Variants in ASTN2 observed in about 807,000 individuals in gnomAD.
ASTN2 encodes the protein astrotactin-2.
Under a neutral mutation model 139.8 loss-of-function variants are expected in ASTN2, and 54 were observed. That is an observed-to-expected ratio of 0.39 (90% confidence interval 0.31 to 0.48). The LOEUF is 0.48. Among genes scored for constraint, ASTN2 ranks in the 20% least tolerant of loss-of-function variants. The pLI, the probability that ASTN2 is intolerant of heterozygous loss-of-function variation, is 0.95. For synonymous variants in ASTN2, 756 were observed against 719.5 expected (o/e 1.05, Z -0.81); for missense variants, 1,565 against 1,725.1 (o/e 0.91, Z 1.64).
chr9:116,872,467 G>T (rs938668523), intron 10 of ASTN2, among the ~76,000 whole-genome samples: 1 of 152,148 alleles, frequency 6.6e-6, no homozygotes, highest in Non-Finnish European at 1.5e-5. Flanking sequence ...GACCCCACAT[G>T]GTCCATTTAC....
intron 17 of ASTN2, among the ~76,000 whole-genome samples, chr9:116,633,069 A>G (rs577220368): frequency 2.0e-5 from 3 of 152,350 alleles, no homozygotes; most frequent in East Asian, 3.9e-4. Flanking sequence ...TCATCGGGGC[A>G]ATAGATTGTG....
At chr9:116,990,938 C>T (rs975858911) in intron 7 of ASTN2, among the ~76,000 whole-genome samples, 1 of 152,126 alleles carries the variant, frequency 6.6e-6, no homozygotes. Flanking sequence ...CCTGAACTTA[C>T]CTGAGTTGTG....
At chr9:116,870,127 C>T (rs1271507751) in intron 10 of ASTN2, among the ~76,000 whole-genome samples, 1 of 149,770 alleles carries the variant, frequency 6.7e-6, no homozygotes, top group Non-Finnish European at 1.5e-5. Context: ...GACCCTGTCT[C>T]AAAAAAAATA....
chr9:116,482,694 G>A (rs1445959811), intron 20 of ASTN2, among the ~76,000 whole-genome samples: 5 of 151,888 alleles, frequency 3.3e-5, no homozygotes, highest in Admixed American at 6.6e-5. Context: ...TCCCTTCTCC[G>A]GGGCTTTGCT....
In ASTN2 at chr9:117,256,000, A is replaced by G. The variant is rs80112554; in HGVS notation, c.630+35326T>C. On this transcript the variant is annotated intron_variant, in intron 2 of 22. Coordinates refer to ENST00000313400, the MANE Select transcript of ASTN2 (RefSeq NM_001365068.1). ...CAAGGGAAAAGCAAATTTGGTCTGA[A>G]TGAAAATGATGTCCACAAGAATAAA... 2.9e-3 allele frequency among the ~76,000 whole-genome samples: 440 copies of G among 152,358 alleles called. 5 individuals are homozygous for G. Among genetic ancestry groups the G allele is most frequent in the African/African-American group, 9.9e-3 (411 of 41,580 alleles).
chr9:116,733,601 C>T (rs1368127081), intron 13 of ASTN2, 78 bp from the exon 14 acceptor site: 2 of 1,579,238 alleles, frequency 1.3e-6, no homozygotes, highest in Non-Finnish European at 1.7e-6. Context: ...AGGCAGGATG[C>T]TGTAGTCAGA....
chr9:117,408,173 G>T lies in ASTN2; in HGVS notation c.442+6324C>A, dbSNP rs372051431. Among the ~76,000 whole-genome samples the T allele has an allele frequency of 4.9e-4, 74 of 151,906 alleles. 1 individual carries two copies. Among genetic ancestry groups the T allele is most frequent in the African/African-American group, 1.7e-3 (72 of 41,412 alleles). ...TTTTTTTTTTTTGGCAGGGGGAGAG[G>T]AAAGAGTGTCCCCCTTTATGATGCT... is the stretch of plus-strand genomic sequence containing the variant. On this transcript the variant is annotated intron_variant, in intron 1 of 22. Transcript: ENST00000313400.
At chr9:116,865,422 TCAAAA>T (rs1832988798) in intron 10 of ASTN2, among the ~76,000 whole-genome samples, 1 of 28,566 alleles carries the variant, frequency 3.5e-5, no homozygotes, top group Non-Finnish European at 5.8e-5. Context: ...AAACACTGTC[TCAAAA>T]AAAAAAAAAA....
At chr9:117,155,653 C>A (rs903880347) in intron 3 of ASTN2, among the ~76,000 whole-genome samples, 1 of 152,052 alleles carries the variant, frequency 6.6e-6, no homozygotes, top group African/African-American at 2.4e-5. Flanking sequence ...AGTGCTATCT[C>A]TCTTCTCTGA....
chr9:117,001,221 A>G (rs964356872), intron 7 of ASTN2, among the ~76,000 whole-genome samples: 2 of 152,216 alleles, frequency 1.3e-5, no homozygotes, highest in Non-Finnish European at 2.9e-5. Flanking sequence ...CTTTGACTCC[A>G]TGACTCTGTC....
At chr9:117,203,464 T>A (rs887420763) in intron 3 of ASTN2, among the ~76,000 whole-genome samples, 2 of 152,182 alleles carry the variant, frequency 1.3e-5, no homozygotes, top group Non-Finnish European at 2.9e-5. Flanking sequence ...ATTTCTCATC[T>A]TCATGAGTTT....
chr9:116,665,410 A>T (rs1010598797), intron 16 of ASTN2, among the ~76,000 whole-genome samples: 1 of 152,164 alleles, frequency 6.6e-6, no homozygotes, highest in Non-Finnish European at 1.5e-5. Context: ...TGTAAACTGA[A>T]ATTTCAGTTG....
intron 16 of ASTN2, among the ~76,000 whole-genome samples, chr9:116,719,047 T>C (rs1828403264): frequency 6.7e-6 from 1 of 148,208 alleles, no homozygotes; most frequent in Admixed American, 6.9e-5. Flanking sequence ...TCTCTGGTTT[T>C]GTTATCCTGG....
At chr9:116,924,644 G>C (rs186827204) in intron 10 of ASTN2, among the ~76,000 whole-genome samples, 1 of 152,198 alleles carries the variant, frequency 6.6e-6, no homozygotes, top group African/African-American at 2.4e-5. Context: ...ACGTTGCCAT[G>C]GCATTTGTAA....
chr9:117,210,919 A>T (rs188906767), intron 3 of ASTN2, among the ~76,000 whole-genome samples: 133 of 150,960 alleles, frequency 8.8e-4, no homozygotes, highest in African/African-American at 3.2e-3. Flanking sequence ...CATATTTCAC[A>T]TCAATAGAAT....
intron 21 of ASTN2, among the ~76,000 whole-genome samples, chr9:116,442,051 T>G (rs1847855525): frequency 6.6e-6 from 1 of 152,084 alleles, no homozygotes; most frequent in Non-Finnish European, 1.5e-5. Flanking sequence ...CACCACAAGG[T>G]GAAATGGTTT....
chr9:116,495,794 G>A (rs1169399240), intron 19 of ASTN2, among the ~76,000 whole-genome samples: 1 of 152,136 alleles, frequency 6.6e-6, no homozygotes, highest in East Asian at 1.9e-4. Flanking sequence ...ATAAAACGCT[G>A]CCTAGGGTGA....
At chr9:117,407,911 C>A (rs1831043204) in intron 1 of ASTN2, among the ~76,000 whole-genome samples, 3 of 152,222 alleles carry the variant, frequency 2.0e-5, no homozygotes, top group Admixed American at 6.5e-5. Flanking sequence ...GGAAAGGAAG[C>A]CTCCTCTAAT....
chr9:116,683,865 A>ATT (rs1321855265), intron 16 of ASTN2, among the ~76,000 whole-genome samples: 3 of 152,198 alleles, frequency 2.0e-5, no homozygotes, highest in African/African-American at 7.2e-5. Context: ...CAACTGGAGA[A>ATT]ATTGATTATT....
Sources: gnomAD v4.1 joint callset for allele counts (sites outside exome capture counted in the v4.1 genomes callset) on GRCh38, gnomAD v4.1.1 for gene constraint, MANE v1.5 for transcripts, NCBI Gene and HGNC (gene_info 2026-07-23, HGNC 2026-07-21) for gene names.